The following ZNF521 variants were observed in gnomAD, a reference collection of about 807,000 sequenced individuals.
ZNF521 encodes the protein zinc finger protein 521.
In ZNF521, 14 loss-of-function variants were observed where a neutral mutation model predicts 105.5. That is an observed-to-expected ratio of 0.13 (90% confidence interval 0.09 to 0.21). The LOEUF (loss-of-function observed/expected upper bound fraction) is 0.21, where lower values mean the gene tolerates loss of function less well. Ranked by LOEUF, ZNF521 falls within the 10% of genes least tolerant of loss-of-function variation. The pLI, the probability that ZNF521 is intolerant of heterozygous loss-of-function variation, is 1.00. For missense variants in ZNF521, 1,233 were observed against 1,629.7 expected, an observed-to-expected ratio of 0.76 and a Z score of 4.19; for synonymous variants, 635 against 606.0, an observed-to-expected ratio of 1.05 and a Z score of -0.70.
rs757456852 is a variant in ZNF521, at chr18:25,250,392, A to G, written c.221-22695T>C. On this transcript the variant is annotated intron_variant, in intron 3 of 7. Coordinates refer to ENST00000361524, the MANE Select transcript of ZNF521 (RefSeq NM_015461.3). ...AATTATCATCAGCAACTTGTTTGCCATATTTACTGTGGAATAGATCTGAAG... is the reference window on the plus strand; with the variant it reads ...AATTATCATCAGCAACTTGTTTGCCGTATTTACTGTGGAATAGATCTGAAG... Among the ~76,000 whole-genome samples, 21 of 152,214 alleles carry G rather than the reference A, an allele frequency of 1.4e-4. 1 individual carries two copies. Among genetic ancestry groups the G allele is most frequent in the Admixed American group, 1.3e-3 (20 of 15,282 alleles).
At chr18:25,175,125 A>T (rs2035514821) in intron 5 of ZNF521, among the ~76,000 whole-genome samples, 1 of 152,184 alleles carries the variant, frequency 6.6e-6, no homozygotes, top group Non-Finnish European at 1.5e-5. Flanking sequence ...GTGAAGAGGG[A>T]GGTAGGACTT....
At chr18:25,184,042 G>A (rs1011278290) in intron 5 of ZNF521, among the ~76,000 whole-genome samples, 30 of 152,182 alleles carry the variant, frequency 2.0e-4, no homozygotes, top group African/African-American at 6.7e-4. Context: ...TTTATAGACA[G>A]CTGATACAGC....
chr18:25,215,537 A>T (rs1367606418), intron 4 of ZNF521, among the ~76,000 whole-genome samples: 1 of 152,230 alleles, frequency 6.6e-6, no homozygotes. Context: ...ACAGAGTTCT[A>T]TGATGACACA....
At chr18:25,213,776 T>C (rs1482811329) in intron 4 of ZNF521, among the ~76,000 whole-genome samples, 2 of 152,166 alleles carry the variant, frequency 1.3e-5, no homozygotes, top group African/African-American at 2.4e-5. Context: ...GGAAAGATTT[T>C]CAACAATTTA....
At chr18:25,168,863 T>C (rs1462352414) in intron 5 of ZNF521, among the ~76,000 whole-genome samples, 2 of 152,174 alleles carry the variant, frequency 1.3e-5, no homozygotes, top group African/African-American at 4.8e-5. Context: ...TTCTCCCAGC[T>C]GCAGTAGTTT....
chr18:25,189,669 C>T (rs928485989), intron 5 of ZNF521, among the ~76,000 whole-genome samples: 4 of 152,204 alleles, frequency 2.6e-5, no homozygotes, highest in African/African-American at 9.6e-5. Context: ...ATTTGTGGCC[C>T]ACACTCCATT....
chr18:25,278,013 G>A (rs1284127891), intron 3 of ZNF521, among the ~76,000 whole-genome samples: 6 of 152,138 alleles, frequency 3.9e-5, no homozygotes, highest in Admixed American at 3.3e-4. Flanking sequence ...CAATCTGTGT[G>A]CAAATTACGA....
At chr18:25,331,750 T>C (rs1372188942) in intron 2 of ZNF521, among the ~76,000 whole-genome samples, 1 of 152,212 alleles carries the variant, frequency 6.6e-6, no homozygotes, top group Admixed American at 6.5e-5. Context: ...AGTGTTTTGT[T>C]TGAATCAGGA....
intron 5 of ZNF521, among the ~76,000 whole-genome samples, chr18:25,148,514 CTTTCT>C (rs751078422): frequency 6.2e-4 from 95 of 152,190 alleles, no homozygotes; most frequent in Non-Finnish European, 7.5e-4. Context: ...TCCCTTCCTG[CTTTCT>C]TTTAAGTATA....
chr18:25,290,122 T>G (rs1156377912), intron 3 of ZNF521, among the ~76,000 whole-genome samples: 1 of 152,220 alleles, frequency 6.6e-6, no homozygotes, highest in African/African-American at 2.4e-5. Context: ...TTGTTTGCAA[T>G]TTTCATAGCA....
At chr18:25,091,258 T>C (rs1456310595) in intron 6 of ZNF521, among the ~76,000 whole-genome samples, 1 of 152,190 alleles carries the variant, frequency 6.6e-6, no homozygotes, top group East Asian at 1.9e-4. Flanking sequence ...AACTTTGTCA[T>C]TGTTAGGGGA....
At chr18:25,167,178 G>A (rs2035358430) in intron 5 of ZNF521, among the ~76,000 whole-genome samples, 1 of 152,154 alleles carries the variant, frequency 6.6e-6, no homozygotes, top group South Asian at 2.1e-4. Flanking sequence ...ATGGTGCCAT[G>A]AAAGTTCACC....
chr18:25,167,280 C>T (rs1168958265), intron 5 of ZNF521, among the ~76,000 whole-genome samples: 2 of 152,142 alleles, frequency 1.3e-5, no homozygotes, highest in African/African-American at 4.8e-5. Context: ...TTTACCAGCC[C>T]AAAGTTCACA....
chr18:25,227,160 T>C lies in ZNF521; in HGVS notation c.758A>G (p.Glu253Gly). 1 of 1,614,122 alleles carries C rather than the reference T, an allele frequency of 6.2e-7. No individual in the cohort carries two copies. The highest frequency in any genetic ancestry group is 8.5e-7 in the Non-Finnish European group (1 of 1,180,002). ...GAGGTCTTCCGGGAAGTCAAAGCCTTCCTCACACTGACTGCACTTCTGAGT... is the reference window on the plus strand; with the variant it reads ...GAGGTCTTCCGGGAAGTCAAAGCCTCCCTCACACTGACTGCACTTCTGAGT... ...KDTQKCSQCE[E>G]GFDFPEDLQK... The change falls in exon 4 of 8, where the codon GAA (glutamate) becomes GGA (glycine). Residue 253 changes from glutamate (E) to glycine (G), a missense_variant. By Grantham distance (98) the Glu-to-Gly change is moderately conservative. This residue lies in a region of ZNF521 where 380 missense variants were observed against 478.0 expected (regional missense o/e 0.80). Transcript: ENST00000361524. The surrounding 1 kb of genome is among the most constrained non-coding windows in gnomAD (Gnocchi z 5.7).
chr18:25,339,460 T>C (rs1914079352), intron 2 of ZNF521, among the ~76,000 whole-genome samples: 1 of 152,232 alleles, frequency 6.6e-6, no homozygotes, highest in African/African-American at 2.4e-5. Flanking sequence ...ATCGGTGCTG[T>C]CCCTTCACAG....
chr18:25,186,113 G>C (rs1474839910), intron 5 of ZNF521, among the ~76,000 whole-genome samples: 1 of 152,132 alleles, frequency 6.6e-6, no homozygotes, highest in African/African-American at 2.4e-5. Flanking sequence ...TTACTTTTCA[G>C]TCAGTGCTCA....
At chr18:25,228,086 G>A (rs1906297683) in intron 3 of ZNF521, among the ~76,000 whole-genome samples, 1 of 152,038 alleles carries the variant, frequency 6.6e-6, no homozygotes, top group Non-Finnish European at 1.5e-5. Flanking sequence ...AGCATCTGAA[G>A]AACCAAATGA....
chr18:25,156,290 G>C (rs925619614), intron 5 of ZNF521, among the ~76,000 whole-genome samples: 2 of 152,312 alleles, frequency 1.3e-5, no homozygotes, highest in South Asian at 4.1e-4. Flanking sequence ...GAATGGCAGA[G>C]CCAAATTGAG....
chr18:25,114,966 TA>T (rs936568171), intron 5 of ZNF521, among the ~76,000 whole-genome samples: 4 of 152,226 alleles, frequency 2.6e-5, no homozygotes, highest in Non-Finnish European at 4.4e-5. Flanking sequence ...ATTCTTGTTT[TA>T]TTTTTTTTCC....
Sources: allele counts gnomAD v4.1 joint callset (sites outside exome capture counted in the v4.1 genomes callset), GRCh38; gene constraint gnomAD v4.1.1; regional missense constraint gnomAD v4.1.1; non-coding constraint Gnocchi (gnomAD v3.1); transcripts MANE v1.5; gene names NCBI Gene and HGNC (gene_info 2026-07-23, HGNC 2026-07-21).